Variants in STX5 observed in about 807,000 individuals in gnomAD.
STX5 encodes the protein syntaxin-5.
STX5 carries 15 observed loss-of-function variants against 42.9 expected under a neutral mutation model. That is an observed-to-expected ratio of 0.35 (90% CI 0.23 to 0.54). STX5 has a LOEUF of 0.54. Among genes scored for constraint, STX5 ranks in the 20% least tolerant of loss-of-function variants. STX5 has a pLI of 0.91. For missense variants in STX5, 430 were observed against 455.0 expected (o/e 0.95, Z 0.50); for synonymous variants, 184 against 173.2 (o/e 1.06, Z -0.49).
rs1482629786 is a variant in STX5 at position 62,824,445 on chromosome 11, C to T, written c.786+14G>A. 1 of 1,614,108 alleles carries T rather than the reference C, an allele frequency of 6.2e-7. No homozygotes were observed. Among genetic ancestry groups the T allele is most frequent in the Admixed American group, 1.7e-5 (1 of 60,012 alleles). On this transcript the variant is annotated intron_variant, in intron 9 of 10. Coordinates refer to ENST00000294179, the MANE Select transcript of STX5 (RefSeq NM_003164.5). ...ATGGAGAAGCTGATTCTACCTAGTT[C>T]AGAGCCTGGGTACCTGCTCGTCAAT...
chr11:62,814,457 G>A (rs534731592), intron 10 of STX5, among the ~76,000 whole-genome samples: 5 of 114,874 alleles, frequency 4.4e-5, no homozygotes, highest in African/African-American at 5.9e-5. Flanking sequence ...CACCGCACCC[G>A]GGACTCTTCC....
chr11:62,811,178 A>G (rs963193650), intron 10 of STX5, among the ~76,000 whole-genome samples: 4 of 151,234 alleles, frequency 2.6e-5, no homozygotes, highest in African/African-American at 9.7e-5. Context: ...CACTTTACCC[A>G]GTCTCTGGGT....
chr11:62,819,808 C>A (rs2084718602), intron 10 of STX5, among the ~76,000 whole-genome samples: 1 of 151,958 alleles, frequency 6.6e-6, no homozygotes, highest in Non-Finnish European at 1.5e-5. Context: ...ATTCTCCCAC[C>A]TCTGGCTCCT....
At chr11:62,816,070 G>C (rs1411299842) in intron 10 of STX5, 1 of 152,098 alleles carries the variant, frequency 6.6e-6, no homozygotes, top group East Asian at 1.9e-4. Context: ...GTGAGTACTG[G>C]ATGTGGTTTT....
At chr11:62,812,682 A>G (rs1225512302) in intron 10 of STX5, among the ~76,000 whole-genome samples, 1 of 151,470 alleles carries the variant, frequency 6.6e-6, no homozygotes, top group Non-Finnish European at 1.5e-5. Flanking sequence ...TCGCCTCCCA[A>G]AGAGCTGAGA....
At chr11:62,815,025 T>C (rs1338019856) in intron 10 of STX5, among the ~76,000 whole-genome samples, 2 of 152,112 alleles carry the variant, frequency 1.3e-5, no homozygotes, top group Non-Finnish European at 2.9e-5. Context: ...TTTTTTTTTT[T>C]TGAGATGGAG....
At chr11:62,814,831 T>C (rs1590965154) in intron 10 of STX5, among the ~76,000 whole-genome samples, 1 of 152,140 alleles carries the variant, frequency 6.6e-6, no homozygotes, top group Non-Finnish European at 1.5e-5. Context: ...CGACCTCAGG[T>C]GATCCGCCTG....
In STX5 at chr11:62,832,020, G is replaced by T. The variant is rs1191274872; in HGVS notation, c.-86C>A. ...CCGGCCGTCACTGCCTCCTCCCCGA[G>T]CACTGAAGCCGCCGAAACCCGACCA... is the stretch of plus-strand genomic sequence containing the variant. On this transcript the variant is annotated 5_prime_UTR_variant, in exon 1 of 11. Coordinates refer to ENST00000294179, the MANE Select transcript of STX5 (RefSeq NM_003164.5). The T allele has an allele frequency of 2.1e-6, 1 of 476,494 alleles. No homozygotes were observed. Among genetic ancestry groups the T allele is most frequent in the East Asian group, 6.4e-5 (1 of 15,554 alleles). 29.5% of individuals were successfully genotyped at this position (476,494 alleles called of 1,614,324 possible). A position where few individuals can be genotyped will look rare whatever the true frequency, so the allele number is the denominator to read the frequency against.
intron 10 of STX5, 146 bp downstream of exon 10, chr11:62,824,020 G>T: frequency 7.6e-7 from 1 of 1,314,744 alleles, no homozygotes; most frequent in Non-Finnish European, 1.1e-6. Context: ...CTTGTTGGGT[G>T]GATGGAAGCA....
chr11:62,831,950 T>G lies in STX5; in HGVS notation c.-20+4A>C, dbSNP rs1405125112. ...GCCAGATCCCCTCTTAAAGCGAATC[T>G]TACCTCCCCTCTGCCGCCTGCCGCC... is the stretch of plus-strand genomic sequence containing the variant. On this transcript the variant is annotated splice_donor_region_variant and intron_variant, in intron 1 of 10. Coordinates refer to ENST00000294179, the MANE Select transcript of STX5 (RefSeq NM_003164.5). 4.4e-6 allele frequency: 2 copies of G among 457,762 alleles called. No homozygotes were observed. Among genetic ancestry groups the G allele is most frequent in the African/African-American group, 4.0e-5 (2 of 49,534 alleles). The allele number at this position is 457,762 out of a possible 1,614,324, so 28.4% of individuals were successfully genotyped here.
Position 62,824,028 on chromosome 11 carries a change from G to A in STX5, c.908+138C>T. 4.4e-6 allele frequency: 6 copies of A among 1,375,186 alleles called. No homozygotes were observed. In the East Asian group the frequency reaches 6.9e-5, roughly 16 times the overall value. 85.2% of individuals were successfully genotyped at this position (1,375,186 alleles called of 1,614,324 possible). A position where few individuals can be genotyped will look rare whatever the true frequency, so the allele number is the denominator to read the frequency against. On this transcript the variant is annotated intron_variant, in intron 10 of 10. Transcript: ENST00000294179. ...ATAAAAACTTGTTGGGTGGATGGAA[G>A]CAGGTGAACTGGGTCCCATGGGTGG...
At chr11:62,819,973 G>A (rs1313191156) in intron 10 of STX5, among the ~76,000 whole-genome samples, 8 of 151,636 alleles carry the variant, frequency 5.3e-5, no homozygotes, top group African/African-American at 1.9e-4. Flanking sequence ...AAAGTGTTAG[G>A]AATACAGGCA....
At chr11:62,808,384 T>G (rs1268693196) in intron 10 of STX5, among the ~76,000 whole-genome samples, 1 of 150,486 alleles carries the variant, frequency 6.6e-6, no homozygotes, top group Non-Finnish European at 1.5e-5. Flanking sequence ...GCAGTGAGAT[T>G]GTGCCACTGC....
At chr11:62,810,657 A>C (rs548227286) in intron 10 of STX5, among the ~76,000 whole-genome samples, 1 of 152,314 alleles carries the variant, frequency 6.6e-6, no homozygotes, top group East Asian at 1.9e-4. Context: ...AAAAATTCTC[A>C]AGTGTCACAA....
intron 2 of STX5, among the ~76,000 whole-genome samples, chr11:62,830,075 A>G (rs1047341545): frequency 4.8e-5 from 7 of 145,678 alleles, no homozygotes; most frequent in South Asian, 2.1e-4. Context: ...AAAAAAAAAA[A>G]AAAAAAAAAA....
chr11:62,820,910 T>C (rs2084733691), intron 10 of STX5, among the ~76,000 whole-genome samples: 1 of 152,228 alleles, frequency 6.6e-6, no homozygotes, highest in Non-Finnish European at 1.5e-5. Flanking sequence ...ATTTGGTTGC[T>C]GCTCTTCTTG....
intron 1 of STX5, 65 bp downstream of exon 1, chr11:62,831,889 C>A (rs374357905): frequency 2.0e-5 from 9 of 456,888 alleles, no homozygotes; most frequent in South Asian, 1.1e-4. Flanking sequence ...CCAGTCGTCG[C>A]CCCCGTAAAA....
At chr11:62,814,520 C>T (rs1265408369) in intron 10 of STX5, among the ~76,000 whole-genome samples, 1 of 149,968 alleles carries the variant, frequency 6.7e-6, no homozygotes, top group Non-Finnish European at 1.5e-5. Context: ...TGGAGTGCAA[C>T]GGCGTGATCT....
chr11:62,825,477 G>C lies in STX5; in HGVS notation c.486C>G (p.Ser162Arg). The change falls in exon 6 of 11, where the codon AGC becomes AGG. Residue 162 changes from serine to arginine, a missense_variant. Transcript: ENST00000294179. ...GGGTCTGCAGGTGCCGGCCACTCTG[G>C]CTGCCCTTGGCTCTCACGAAATCCT... Reference protein sequence around the residue: ...QLQDFVRAKGSQSGRHLQTHS... With the variant: ...QLQDFVRAKGRQSGRHLQTHS... 6.2e-7 allele frequency: 1 copy of C among 1,614,036 alleles called. No homozygotes were observed. The highest frequency in any genetic ancestry group is 1.1e-5 in the South Asian group (1 of 91,066).
Sources: allele counts gnomAD v4.1 joint callset (sites outside exome capture counted in the v4.1 genomes callset), GRCh38; gene constraint gnomAD v4.1.1; transcripts MANE v1.5; gene names NCBI Gene and HGNC (gene_info 2026-07-23, HGNC 2026-07-21).